Variants in CACHD1 observed in about 807,000 individuals in gnomAD.
The protein encoded by CACHD1 is cache domain containing 1.
A neutral mutation model predicts 138.7 loss-of-function variants in CACHD1; 71 were observed. The ratio of observed to expected loss-of-function variants is 0.51; its 90% CI spans 0.42 to 0.62. The LOEUF is 0.62. Ranked by LOEUF, CACHD1 falls within the 20% of genes least tolerant of loss-of-function variation. The probability of loss-of-function intolerance (pLI) is 0.00; values close to 1 mark genes in which losing one functional copy is unlikely to be tolerated. For missense variants in CACHD1, 1,389 were observed against 1,625.3 expected, an observed-to-expected ratio of 0.85 and a Z score of 2.50; for synonymous variants, 578 against 591.5, an observed-to-expected ratio of 0.98 and a Z score of 0.33.
intron 23 of CACHD1, among the ~76,000 whole-genome samples, chr1:64,679,297 T>C (rs1456641811): frequency 6.6e-6 from 1 of 152,194 alleles, no homozygotes; most frequent in African/African-American, 2.4e-5. Flanking sequence ...TAGGACTCTG[T>C]TGGTGTTGGA....
At chr1:64,617,343 C>T (rs1647749419) in intron 4 of CACHD1, among the ~76,000 whole-genome samples, 1 of 151,622 alleles carries the variant, frequency 6.6e-6, no homozygotes, top group Non-Finnish European at 1.5e-5. Flanking sequence ...ACCTTTGGGT[C>T]CTCTGGGAAT....
intron 26 of CACHD1, among the ~76,000 whole-genome samples, chr1:64,689,489 C>T (rs78248443): frequency 0.03 from 4,548 of 152,228 alleles, 105 homozygotes; most frequent in Non-Finnish European, 0.041. Flanking sequence ...CTATCCCTCA[C>T]GCGGGCTGTT....
chr1:64,502,413 TA>T (rs1445987951), intron 1 of CACHD1, among the ~76,000 whole-genome samples: 1 of 152,184 alleles, frequency 6.6e-6, no homozygotes, highest in East Asian at 1.9e-4. Context: ...TGGTGTACAT[TA>T]GATCACTGAG....
At chr1:64,495,968 T>C (rs1646304377) in intron 1 of CACHD1, among the ~76,000 whole-genome samples, 1 of 152,194 alleles carries the variant, frequency 6.6e-6, no homozygotes, top group South Asian at 2.1e-4. Context: ...TATATTTTCG[T>C]TTTATTATAA....
In CACHD1 at chr1:64,588,514, G is replaced by A. The variant is rs188205705; in HGVS notation, c.410+6210G>A. Among the ~76,000 whole-genome samples the A allele has an allele frequency of 2.0e-4, 31 of 151,792 alleles. No homozygotes were observed. The East Asian group carries it at 4.3e-3, about 21-fold the overall frequency. ...TCATGCCTCAGCCTGCTGAGTAGCT[G>A]GGATTACAGGTGCGCCACCACGCCC... On this transcript the variant is annotated intron_variant, in intron 3 of 26. Transcript: ENST00000651257.
intron 1 of CACHD1, among the ~76,000 whole-genome samples, chr1:64,537,646 A>G (rs1646643902): frequency 6.6e-6 from 1 of 152,188 alleles, no homozygotes; most frequent in Non-Finnish European, 1.5e-5. Flanking sequence ...GCTGATTTGG[A>G]GGAGTTCCTA....
chr1:64,645,543 G>C (rs1648875369), intron 8 of CACHD1, among the ~76,000 whole-genome samples: 1 of 152,094 alleles, frequency 6.6e-6, no homozygotes, highest in Non-Finnish European at 1.5e-5. Flanking sequence ...GAAACTGGGA[G>C]AAACTGTGGG....
At chr1:64,556,552 T>C (rs1646798488) in intron 2 of CACHD1, among the ~76,000 whole-genome samples, 1 of 152,188 alleles carries the variant, frequency 6.6e-6, no homozygotes, top group Non-Finnish European at 1.5e-5. Flanking sequence ...TTCTTGTGCA[T>C]ACTATCTAAC....
At chr1:64,497,205 A>G (rs1646311118) in intron 1 of CACHD1, among the ~76,000 whole-genome samples, 1 of 152,194 alleles carries the variant, frequency 6.6e-6, no homozygotes, top group Non-Finnish European at 1.5e-5. Context: ...TCTTTCTGCC[A>G]AGGATGCTAC....
At chr1:64,604,091 C>G (rs1189855643) in intron 4 of CACHD1, among the ~76,000 whole-genome samples, 1 of 152,174 alleles carries the variant, frequency 6.6e-6, no homozygotes, top group Non-Finnish European at 1.5e-5. Flanking sequence ...AGAATATTTA[C>G]TTTTAGGGCC....
chr1:64,496,618 T>C (rs1356075068), intron 1 of CACHD1, among the ~76,000 whole-genome samples: 1 of 152,146 alleles, frequency 6.6e-6, no homozygotes, highest in Non-Finnish European at 1.5e-5. Context: ...TGGGTGAAAC[T>C]AGAGTGTGTT....
At chr1:64,471,163 C>T (rs1646141772) in intron 1 of CACHD1, among the ~76,000 whole-genome samples, 1 of 152,210 alleles carries the variant, frequency 6.6e-6, no homozygotes. Flanking sequence ...GGAGAATCCC[C>T]TGCCCTCTGC....
At chr1:64,648,821 T>A (rs1438630144) in intron 9 of CACHD1, among the ~76,000 whole-genome samples, 26 of 152,318 alleles carry the variant, frequency 1.7e-4, no homozygotes, top group African/African-American at 6.0e-4. Flanking sequence ...ATACAACATT[T>A]TCCTCAAGGC....
intron 1 of CACHD1, among the ~76,000 whole-genome samples, chr1:64,522,592 C>T (rs1308794547): frequency 6.6e-6 from 1 of 152,048 alleles, no homozygotes; most frequent in African/African-American, 2.4e-5. Context: ...CAGGCATGAG[C>T]CCTGGTCGGA....
chr1:64,615,935 G>A (rs1040379050), intron 4 of CACHD1, among the ~76,000 whole-genome samples: 2 of 152,054 alleles, frequency 1.3e-5, no homozygotes, highest in Non-Finnish European at 2.9e-5. Flanking sequence ...GATACCAAGG[G>A]CAGTTATAAG....
chr1:64,673,309 T>G, intron 18 of CACHD1, 39 bp from the exon 19 acceptor site: 2 of 1,612,468 alleles, frequency 1.2e-6, no homozygotes, highest in Non-Finnish European at 1.7e-6. Flanking sequence ...TGCAGCTCAC[T>G]ACATGGCATA....
intron 2 of CACHD1, among the ~76,000 whole-genome samples, chr1:64,560,618 C>A (rs1176968260): frequency 6.6e-6 from 1 of 151,980 alleles, no homozygotes; most frequent in Non-Finnish European, 1.5e-5. Context: ...TATGGCTCTA[C>A]ATATGATCAG....
chr1:64,575,876 G>C (rs1646963164), intron 2 of CACHD1, among the ~76,000 whole-genome samples: 1 of 152,112 alleles, frequency 6.6e-6, no homozygotes. Flanking sequence ...AAGGTAAAAA[G>C]AGCTTTTAAA....
intron 22 of CACHD1, 106 bp downstream of exon 22, chr1:64,677,117 T>C (rs1650018384): frequency 2.3e-6 from 2 of 855,248 alleles, no homozygotes; most frequent in African/African-American, 1.7e-5. Flanking sequence ...GAAACTGATT[T>C]CCATAAGCCT....
Sources: gnomAD v4.1 joint callset for allele counts (sites outside exome capture counted in the v4.1 genomes callset) on GRCh38, gnomAD v4.1.1 for gene constraint, MANE v1.5 for transcripts, NCBI Gene and HGNC (gene_info 2026-07-23, HGNC 2026-07-21) for gene names.